The following PRUNE2 variants were observed in gnomAD, a reference collection of about 807,000 sequenced individuals.
The protein encoded by PRUNE2 is prune homolog 2 with BCH domain, also known as protein prune homolog 2.
In PRUNE2, 164 loss-of-function variants were observed where a neutral mutation model predicts 252.0. The ratio of observed to expected loss-of-function variants is 0.65; its 90% CI spans 0.57 to 0.74. The LOEUF (loss-of-function observed/expected upper bound fraction) is 0.74, where lower values mean the gene tolerates loss of function less well. PRUNE2 is among the 30% of genes least tolerant of loss of function. The pLI is 0.00. For synonymous variants in PRUNE2, 1,292 were observed against 1,350.2 expected, an observed-to-expected ratio of 0.96 and a Z score of 0.94; for missense variants, 3,495 against 3,711.0, an observed-to-expected ratio of 0.94 and a Z score of 1.51.
intron 4 of PRUNE2, 112 bp downstream of exon 4, chr9:76,846,403 G>A (rs2059671577): frequency 1.2e-6 from 1 of 830,158 alleles, no homozygotes. Flanking sequence ...AGCTTCCCGT[G>A]GTCTTTAAAG....
intron 9 of PRUNE2, among the ~76,000 whole-genome samples, chr9:76,691,134 G>A (rs535263819): frequency 6.6e-5 from 10 of 152,318 alleles, no homozygotes; most frequent in Admixed American, 1.3e-4. Context: ...CTCTACAGGA[G>A]GGGCGCAGGG....
chr9:76,754,539 C>T (rs762134809), intron 6 of PRUNE2, among the ~76,000 whole-genome samples: 2 of 152,166 alleles, frequency 1.3e-5, no homozygotes, highest in Non-Finnish European at 2.9e-5. Context: ...GTTTTACCGG[C>T]CAAACACTTC....
In PRUNE2 at chr9:76,614,610, AAAG is replaced by A. The variant is rs748464110; in HGVS notation, c.9237-13_9237-11del. 6.2e-7 allele frequency: 1 copy of A among 1,608,306 alleles called. No individual in the cohort carries two copies. Among genetic ancestry groups the A allele is most frequent in the Non-Finnish European group, 8.5e-7 (1 of 1,175,912 alleles). On this transcript the variant is annotated splice_polypyrimidine_tract_variant and intron_variant, in intron 18 of 18. Coordinates refer to ENST00000376718, the MANE Select transcript of PRUNE2 (RefSeq NM_015225.3). ...CAGCTTCAAGTCAATACTGCAAAGA[AAAG>A]AAAAAGAGAGAGAAACATGAGAAAC...
At chr9:76,803,113 A>G (rs937130381) in intron 6 of PRUNE2, among the ~76,000 whole-genome samples, 5 of 152,216 alleles carry the variant, frequency 3.3e-5, no homozygotes, top group Admixed American at 6.5e-5. Context: ...GTTTTCAAGG[A>G]GAAATGCCTT....
intron 6 of PRUNE2, among the ~76,000 whole-genome samples, chr9:76,730,192 G>A (rs2048442968): frequency 6.6e-6 from 1 of 152,190 alleles, no homozygotes; most frequent in African/African-American, 2.4e-5. Flanking sequence ...AGTCTAGAGA[G>A]TTTTTGGCTG....
intron 9 of PRUNE2, among the ~76,000 whole-genome samples, chr9:76,686,946 G>A (rs1271170733): frequency 6.6e-6 from 1 of 152,120 alleles, no homozygotes; most frequent in African/African-American, 2.4e-5. Context: ...TCACTGTGTT[G>A]CCCAGCCTGG....
At position 76,644,756 on chromosome 9, in the gene PRUNE2, C is replaced by T. The variant is rs80290481; in HGVS notation, c.8711G>A (p.Arg2904Lys). ...TCGACTACCTCCGTGAGAAATGACT[C>T]TCCTGTAGGGCTCGATGACCTTCAT... ...IDMKVIEPYR[R>K]VISHGGYYGD... The change falls in exon 12 of 19, where the codon AGA (arginine) becomes AAA (lysine). Residue 2904 changes from arginine (R) to lysine (K), a missense_variant. Transcript: ENST00000376718. The T allele has an allele frequency of 1.5e-5, 24 of 1,613,890 alleles. No individual in the cohort carries two copies. The African/African-American group carries it at 2.5e-4, about 17-fold the overall frequency.
In PRUNE2 at chr9:76,711,126, G is replaced by C. The variant is rs749401688; in HGVS notation, c.1148C>G (p.Ser383Cys). 3.1e-6 allele frequency: 5 copies of C among 1,613,938 alleles called. No individual in the cohort carries two copies. Among genetic ancestry groups the C allele is most frequent in the Non-Finnish European group, 4.2e-6 (5 of 1,179,858 alleles). The change falls in exon 8 of 19, where the codon TCT becomes TGT. Residue 383 changes from serine (S) to cysteine (C), a missense_variant. Coordinates refer to ENST00000376718, the MANE Select transcript of PRUNE2 (RefSeq NM_015225.3). Reference protein sequence around the residue: ...AGSAPLSQGSSGIMELYGSDI... With the variant: ...AGSAPLSQGSCGIMELYGSDI... ...AGAACCATACAATTCCATAATCCCA[G>C]AAGACCCCTGGGAGAGGGGGGCACT... is the stretch of plus-strand genomic sequence containing the variant.
At chr9:76,840,445 G>A (rs1176491272) in intron 4 of PRUNE2, among the ~76,000 whole-genome samples, 1 of 152,154 alleles carries the variant, frequency 6.6e-6, no homozygotes, top group Admixed American at 6.5e-5. Flanking sequence ...GGGATGAAAA[G>A]CAAAGTACAA....
chr9:76,847,685 G>A (rs2059743709), intron 3 of PRUNE2, among the ~76,000 whole-genome samples: 1 of 152,110 alleles, frequency 6.6e-6, no homozygotes, highest in Non-Finnish European at 1.5e-5. Context: ...AGCAAAGGCA[G>A]GAAGAAAAGT....
chr9:76,901,523 C>A (rs1035746495), intron 1 of PRUNE2, among the ~76,000 whole-genome samples: 1 of 152,174 alleles, frequency 6.6e-6, no homozygotes, highest in Non-Finnish European at 1.5e-5. Flanking sequence ...TTTATTGATA[C>A]GCGGAACTTT....
intron 6 of PRUNE2, among the ~76,000 whole-genome samples, chr9:76,800,770 A>G (rs2056498577): frequency 6.6e-6 from 1 of 152,222 alleles, no homozygotes; most frequent in South Asian, 2.1e-4. Flanking sequence ...ATTTTCATCT[A>G]TTGAAGATTA....
Position 76,644,877 on chromosome 9 carries a change from A to C in PRUNE2, c.8590T>G (p.Ser2864Ala). Reference sequence around the variant, plus strand: ...GCCGTATATTCTGGAATAGACTCTGACTCTTGGCCAGAATCTTTGTTGGCT... The same window carrying C: ...GCCGTATATTCTGGAATAGACTCTGCCTCTTGGCCAGAATCTTTGTTGGCT... ...PTANKDSGQESESIPEYTAEE... is the reference protein window; with the variant it reads ...PTANKDSGQEAESIPEYTAEE... The change falls in exon 12 of 19, where the codon TCA becomes GCA. Residue 2864 changes from serine to alanine, a missense_variant. Coordinates refer to ENST00000376718, the MANE Select transcript of PRUNE2 (RefSeq NM_015225.3). 6.2e-7 allele frequency: 1 copy of C among 1,613,682 alleles called. No individual in the cohort carries two copies. Among genetic ancestry groups the C allele is most frequent in the Non-Finnish European group, 8.5e-7 (1 of 1,179,802 alleles).
chr9:76,713,724 G>A lies in PRUNE2; in HGVS notation c.757-3C>T. The A allele has an allele frequency of 6.3e-7, 1 of 1,584,902 alleles. No homozygotes were observed. Among genetic ancestry groups the A allele is most frequent in the Non-Finnish European group, 8.6e-7 (1 of 1,164,892 alleles). On this transcript the variant is annotated splice_polypyrimidine_tract_variant and splice_region_variant and intron_variant, in intron 6 of 18. Transcript: ENST00000376718. Reference sequence around the variant, plus strand: ...ATATTGCTGTGAAATAGACAATTCTGAAACGACAACAGGAAATTTGATATT... The same window carrying A: ...ATATTGCTGTGAAATAGACAATTCTAAAACGACAACAGGAAATTTGATATT...
At position 76,708,425 on chromosome 9, in the gene PRUNE2, A is replaced by G. The variant is rs746840946; in HGVS notation, c.3849T>C (p.Leu1283=). The change falls in exon 8 of 19, where the codon CTT becomes CTC. Residue 1283 remains leucine, a synonymous_variant. Transcript: ENST00000376718. ...TSESEALISH[L]DKQDTERETL... ...TTTCCCTCTCTGTGTCCTGCTTGTC[A>G]AGATGAGATATAAGTGCCTCTGATT... The G allele has an allele frequency of 4.3e-6, 7 of 1,613,856 alleles. No homozygotes were observed. The highest frequency in any genetic ancestry group is 5.9e-6 in the Non-Finnish European group (7 of 1,179,880).
chr9:76,888,265 A>T (rs1488527026), intron 1 of PRUNE2, among the ~76,000 whole-genome samples: 3 of 152,172 alleles, frequency 2.0e-5, no homozygotes, highest in Non-Finnish European at 4.4e-5. Flanking sequence ...GCATCAAATA[A>T]AGAGAAGAAA....
chr9:76,723,900 T>G (rs1362718996), intron 6 of PRUNE2, among the ~76,000 whole-genome samples: 1 of 151,154 alleles, frequency 6.6e-6, no homozygotes, highest in East Asian at 2.0e-4. Context: ...CTCCGCCTTC[T>G]GGGTTCACGC....
Position 76,676,432 on chromosome 9 carries a change from C to T in PRUNE2, c.8277-20930G>A, listed in dbSNP as rs115707049. On this transcript the variant is annotated intron_variant, in intron 9 of 18. Coordinates refer to ENST00000376718, the MANE Select transcript of PRUNE2 (RefSeq NM_015225.3). ...AGACGTATCTAATGAAAACTCGTTA[C>T]AAAATGGTACATTTAGAATGATACT... Among the ~76,000 whole-genome samples, 572 of 151,846 alleles carry T rather than the reference C, an allele frequency of 3.8e-3. 5 individuals are homozygous for T. The highest frequency in any genetic ancestry group is 0.013 in the African/African-American group (551 of 41,422).
At chr9:76,627,645 A>G (rs1416954536) in intron 16 of PRUNE2, among the ~76,000 whole-genome samples, 1 of 152,136 alleles carries the variant, frequency 6.6e-6, no homozygotes, top group Non-Finnish European at 1.5e-5. Context: ...CTTATGTAGG[A>G]GAACCAAATG....
Sources: allele counts gnomAD v4.1 joint callset (sites outside exome capture counted in the v4.1 genomes callset), GRCh38; gene constraint gnomAD v4.1.1; transcripts MANE v1.5; gene names NCBI Gene and HGNC (gene_info 2026-07-23, HGNC 2026-07-21).